The following FBN1 variants were observed in gnomAD, a reference collection of about 807,000 sequenced individuals.
The protein encoded by FBN1 is fibrillin-1.
A neutral mutation model predicts 365.1 loss-of-function variants in FBN1; 29 were observed. That is an observed-to-expected ratio of 0.08 (90% CI 0.06 to 0.11). The LOEUF (loss-of-function observed/expected upper bound fraction) is 0.11, where lower values mean the gene tolerates loss of function less well. Ranked by LOEUF, FBN1 falls within the 10% of genes least tolerant of loss-of-function variation. FBN1 has a pLI of 1.00. For synonymous variants in FBN1, 1,210 were observed against 1,270.5 expected (o/e 0.95, Z 1.01); for missense variants, 2,476 against 3,703.2 (o/e 0.67, Z 8.60).
intron 18 of FBN1, among the ~76,000 whole-genome samples, chr15:48,497,994 G>C (rs75403066): frequency 2.7e-4 from 41 of 152,292 alleles, no homozygotes; most frequent in African/African-American, 9.6e-4. Flanking sequence ...TCAAAAGCCA[G>C]CTCCAACACC....
intron 6 of FBN1, among the ~76,000 whole-genome samples, chr15:48,592,244 C>A (rs2044483209): frequency 6.6e-6 from 1 of 152,090 alleles, no homozygotes; most frequent in Non-Finnish European, 1.5e-5. Flanking sequence ...CTTCCCTAAG[C>A]CTATTCATCA....
intron 4 of FBN1, among the ~76,000 whole-genome samples, chr15:48,601,771 C>G (rs775832472): frequency 1.3e-5 from 2 of 152,194 alleles, no homozygotes; most frequent in Non-Finnish European, 2.9e-5. Flanking sequence ...ATCTTCTATA[C>G]CCTTCCTTTT....
In FBN1 at chr15:48,437,207, G is replaced by A. The variant is rs1991330; in HGVS notation, c.6379+115C>T. 67,580 of 1,158,994 alleles carry A rather than the reference G, an allele frequency of 0.058. 2,315 individuals are homozygous for A. The highest frequency in any genetic ancestry group is 0.14 in the East Asian group (5,722 of 41,456). 71.8% of individuals were successfully genotyped at this position (1,158,994 alleles called of 1,614,324 possible). On this transcript the variant is annotated intron_variant, in intron 52 of 65. Transcript: ENST00000316623. Reference sequence around the variant, plus strand: ...TAATATAATTGCTATCTAAATGAAGGGACAAAAAAGTAGCACTTAATTTTC... The same window carrying A: ...TAATATAATTGCTATCTAAATGAAGAGACAAAAAAGTAGCACTTAATTTTC...
intron 2 of FBN1, among the ~76,000 whole-genome samples, chr15:48,638,735 T>C (rs1253647054): frequency 6.6e-6 from 1 of 152,008 alleles, no homozygotes; most frequent in Non-Finnish European, 1.5e-5. Context: ...ATATGACTGG[T>C]CGTGATTTAA....
Position 48,432,729 on chromosome 15 carries a change from AG to A in FBN1, c.6739+136del. On this transcript the variant is annotated intron_variant, in intron 55 of 65. Coordinates refer to ENST00000316623, the MANE Select transcript of FBN1 (RefSeq NM_000138.5). ...GCTACAATTTAGGGGGAAACGTGGC[AG>A]TGACAACCCCCGTATTGTCCACGGA... The A allele has an allele frequency of 2.7e-6, 3 of 1,115,976 alleles. No individual in the cohort carries two copies. The African/African-American group carries it at 4.6e-5, about 17-fold the overall frequency. The allele number at this position is 1,115,976 out of a possible 1,614,324, so 69.1% of individuals were successfully genotyped here. A position where few individuals can be genotyped will look rare whatever the true frequency, so the allele number is the denominator to read the frequency against.
intron 13 of FBN1, among the ~76,000 whole-genome samples, chr15:48,512,414 T>C (rs959956374): frequency 2.6e-5 from 4 of 152,200 alleles, no homozygotes; most frequent in Non-Finnish European, 4.4e-5. Context: ...GTACAGATTA[T>C]TTCATTACCC....
At chr15:48,468,876 G>A (rs1056357348) in intron 36 of FBN1, among the ~76,000 whole-genome samples, 1 of 151,452 alleles carries the variant, frequency 6.6e-6, no homozygotes, top group Non-Finnish European at 1.5e-5. Flanking sequence ...AGACCATCCT[G>A]GCTAACACAG....
intron 24 of FBN1, among the ~76,000 whole-genome samples, chr15:48,491,419 C>T (rs1468264292): frequency 2.0e-5 from 3 of 151,586 alleles, no homozygotes; most frequent in Admixed American, 1.3e-4. Context: ...GGCACTATCT[C>T]GGCTCACTGC....
chr15:48,502,781 T>C (rs2043672197), intron 17 of FBN1, among the ~76,000 whole-genome samples: 1 of 152,204 alleles, frequency 6.6e-6, no homozygotes, highest in Admixed American at 6.5e-5. Context: ...TTTATAATTA[T>C]GTTTATTAAT....
chr15:48,612,584 T>C (rs2044664764), intron 3 of FBN1, among the ~76,000 whole-genome samples: 1 of 152,222 alleles, frequency 6.6e-6, no homozygotes, highest in Admixed American at 6.5e-5. Context: ...TGGTGATCTA[T>C]CTCCTTCCTT....
At chr15:48,432,222 C>T (rs1167089176) in intron 55 of FBN1, among the ~76,000 whole-genome samples, 1 of 151,970 alleles carries the variant, frequency 6.6e-6, no homozygotes, top group Non-Finnish European at 1.5e-5. Flanking sequence ...AGGAAATTTC[C>T]CCACCCTTAA....
At chr15:48,514,006 C>T (rs2043782064) in intron 12 of FBN1, among the ~76,000 whole-genome samples, 1 of 152,112 alleles carries the variant, frequency 6.6e-6, no homozygotes, top group South Asian at 2.1e-4. Flanking sequence ...GATAGGATTC[C>T]GAGTATCTCT....
chr15:48,462,880 G>C (rs947919758), intron 42 of FBN1, among the ~76,000 whole-genome samples: 13 of 152,128 alleles, frequency 8.5e-5, no homozygotes, highest in Non-Finnish European at 5.9e-5. Context: ...ACGTATTAGG[G>C]TATACATTAG....
chr15:48,528,557 C>G (rs1443209805), intron 8 of FBN1, among the ~76,000 whole-genome samples: 1 of 152,054 alleles, frequency 6.6e-6, no homozygotes, highest in African/African-American at 2.4e-5. Flanking sequence ...AGCAAAGAGG[C>G]CCATCATTTA....
intron 26 of FBN1, 51 bp downstream of exon 26, chr15:48,488,317 A>G: frequency 6.4e-7 from 1 of 1,566,566 alleles, no homozygotes; most frequent in South Asian, 1.1e-5. Context: ...TTAAAGATAA[A>G]GAGTTTTAAA....
rs545077135 is a variant in FBN1, at chr15:48,622,058, G to A, written c.165-8966C>T. On this transcript the variant is annotated intron_variant, in intron 2 of 65. Coordinates refer to ENST00000316623, the MANE Select transcript of FBN1 (RefSeq NM_000138.5). ...TACAAAAAATATACCACGCTAGTATGAGATGCTAACAACAGAGTAAAGTGT... is the reference window on the plus strand; with the variant it reads ...TACAAAAAATATACCACGCTAGTATAAGATGCTAACAACAGAGTAAAGTGT... Among the ~76,000 whole-genome samples the A allele has an allele frequency of 2.6e-5, 4 of 152,154 alleles. No homozygotes were observed. The South Asian group carries it at 8.3e-4, about 32-fold the overall frequency.
chr15:48,515,538 A>G lies in FBN1; in HGVS notation c.1328-11T>C. 1 of 1,613,792 alleles carries G rather than the reference A, an allele frequency of 6.2e-7. No homozygotes were observed. Among genetic ancestry groups the G allele is most frequent in the East Asian group, 2.2e-5 (1 of 44,872 alleles). ...TTACTGGCAGCACCCCTAGAAGAACATTAAGCCCCATTAAAATTATTTTAA... is the reference window on the plus strand; with the variant it reads ...TTACTGGCAGCACCCCTAGAAGAACGTTAAGCCCCATTAAAATTATTTTAA... On this transcript the variant is annotated splice_polypyrimidine_tract_variant and intron_variant, in intron 11 of 65. Coordinates refer to ENST00000316623, the MANE Select transcript of FBN1 (RefSeq NM_000138.5).
intron 20 of FBN1, 30 bp from the exon 21 acceptor site, chr15:48,495,618 T>C: frequency 6.2e-7 from 1 of 1,613,906 alleles, no homozygotes; most frequent in Non-Finnish European, 8.5e-7. Flanking sequence ...ACATTACTGC[T>C]AAAATCTAGT....
chr15:48,451,660 C>T (rs1051820922), intron 45 of FBN1, among the ~76,000 whole-genome samples: 1 of 152,080 alleles, frequency 6.6e-6, no homozygotes, highest in Admixed American at 6.5e-5. Context: ...GGAAACCCCC[C>T]GTGAAATGAA....
Sources: gnomAD v4.1 joint callset for allele counts (sites outside exome capture counted in the v4.1 genomes callset) on GRCh38, gnomAD v4.1.1 for gene constraint, MANE v1.5 for transcripts, NCBI Gene and HGNC (gene_info 2026-07-23, HGNC 2026-07-21) for gene names.